VPS45: variants seen among roughly 807,000 people sequenced by gnomAD.
The protein encoded by VPS45 is vacuolar protein sorting 45 homolog, also known as vacuolar protein sorting-associated protein 45.
VPS45 carries 35 observed loss-of-function variants against 75.9 expected under a neutral mutation model. The ratio of observed to expected loss-of-function variants is 0.46; its 90% CI spans 0.35 to 0.61. The LOEUF is 0.61. VPS45 is among the 20% of genes least tolerant of loss of function. The probability of loss-of-function intolerance (pLI) is 0.00; values close to 1 mark genes in which losing one functional copy is unlikely to be tolerated. For missense variants in VPS45, 559 were observed against 685.9 expected (o/e 0.81, Z 2.07); for synonymous variants, 220 against 238.2 (o/e 0.92, Z 0.70).
In VPS45 at chr1:150,093,611, C is replaced by G. The variant is rs1426372430; in HGVS notation, c.1456C>G (p.Leu486Val). The G allele has an allele frequency of 1.2e-6, 2 of 1,613,812 alleles. No individual in the cohort carries two copies. The highest frequency in any genetic ancestry group is 1.7e-6 in the Non-Finnish European group (2 of 1,179,872). ...CATCAAAGGAAGGCTTAAGGAAAAC[C>G]TATATCCTTATTTAGGCCCCAGCAC... ...HLIKGRLKEN[L>V]YPYLGPSTLR... Residue 486 changes from leucine (L) to valine (V), a missense_variant, in exon 13 of 15, where the codon CTA becomes GTA. Leu to Val is a conservative substitution (Grantham distance 32). Transcript: ENST00000644510.
chr1:150,093,425 A>C (rs1453494338), intron 12 of VPS45, 102 bp from the exon 13 acceptor site: 1 of 1,285,310 alleles, frequency 7.8e-7, no homozygotes, highest in African/African-American at 1.5e-5. Flanking sequence ...CTATCCCATG[A>C]AATCTCTATT....
At position 150,068,614 on chromosome 1, in the gene VPS45, T is replaced by C. The variant is rs1394282813; in HGVS notation, c.94-16T>C. The C allele has an allele frequency of 7.3e-6, 11 of 1,500,934 alleles. No individual in the cohort carries two copies. The highest frequency in any genetic ancestry group is 1.4e-5 in the African/African-American group (1 of 70,734). The allele number at this position is 1,500,934 out of a possible 1,614,324, so 93.0% of individuals were successfully genotyped here. A position where few individuals can be genotyped will look rare whatever the true frequency, so the allele number is the denominator to read the frequency against. Reference sequence around the variant, plus strand: ...TCTAGACTAGCATACTTTTAGTTAATCTTTTGTTTTTACAGACTGGCATAG... The same window carrying C: ...TCTAGACTAGCATACTTTTAGTTAACCTTTTGTTTTTACAGACTGGCATAG... On this transcript the variant is annotated splice_polypyrimidine_tract_variant and intron_variant, in intron 1 of 14. Transcript: ENST00000644510.
chr1:150,081,164 A>T (rs587771712), intron 7 of VPS45, among the ~76,000 whole-genome samples, 178 bp from the exon 8 acceptor site: 1 of 152,334 alleles, frequency 6.6e-6, no homozygotes, highest in Admixed American at 6.5e-5. Context: ...TCAGTGTTTA[A>T]TCAATTAAAA....
chr1:150,092,476 G>T, intron 12 of VPS45, 67 bp downstream of exon 12: 1 of 1,288,586 alleles, frequency 7.8e-7, no homozygotes, highest in South Asian at 1.3e-5. Flanking sequence ...GAGAGTGAAT[G>T]AATATGATCT....
chr1:150,116,507 A>G (rs1553808330), intron 14 of VPS45, among the ~76,000 whole-genome samples: 2 of 152,236 alleles, frequency 1.3e-5, no homozygotes, highest in African/African-American at 4.8e-5. Context: ...TTATTCAAGT[A>G]AACATGACTA....
intron 14 of VPS45, among the ~76,000 whole-genome samples, chr1:150,124,574 G>T (rs1658407639): frequency 1.5e-5 from 2 of 137,052 alleles, no homozygotes; most frequent in Non-Finnish European, 1.6e-5. Flanking sequence ...TTGAGACAGA[G>T]TCTCGCCCTG....
intron 13 of VPS45, among the ~76,000 whole-genome samples, chr1:150,094,851 G>A (rs1278407284): frequency 6.6e-5 from 10 of 152,116 alleles, no homozygotes; most frequent in Non-Finnish European, 1.3e-4. Context: ...ACAGGCCACC[G>A]GAAGAATATA....
In VPS45 at chr1:150,077,797, G is replaced by C. The variant is rs1553798467; in HGVS notation, c.687+18G>C. 1 of 1,565,388 alleles carries C rather than the reference G, an allele frequency of 6.4e-7. No individual in the cohort carries two copies. The highest frequency in any genetic ancestry group is 1.7e-5 in the Admixed American group (1 of 59,868). On this transcript the variant is annotated intron_variant, in intron 7 of 14. Coordinates refer to ENST00000644510, the MANE Select transcript of VPS45 (RefSeq NM_007259.5). ...TAAACCAGGTACAAAACCCTTTCTT[G>C]GCATAATAGAAGGATAATTTTAAGT...
chr1:150,082,872 A>G lies in VPS45; in HGVS notation c.1093A>G (p.Ser365Gly), dbSNP rs1553799774. 2 of 1,613,730 alleles carry G rather than the reference A, an allele frequency of 1.2e-6. No homozygotes were observed. The highest frequency in any genetic ancestry group is 2.7e-5 in the African/African-American group (2 of 74,926). ...ACTGGCCTGTCAAAATGACCATTCT[A>G]GTGCTCTCCAGGTCAGTCCAATTTG... ...QELACQNDHS[S>G]ALQNIKRLLQ... is the part of the protein sequence containing the mutation. The change falls in exon 10 of 15, where the codon AGT becomes GGT. Residue 365 changes from serine to glycine, a missense_variant. By Grantham distance (56) the Ser-to-Gly change is moderately conservative. Transcript: ENST00000644510.
chr1:150,081,270 A>G lies in VPS45; in HGVS notation c.688-72A>G, dbSNP rs953620868. ...TAGTTAAAGAATGTTATCAGTTTTT[A>G]TTTGTTTTCCTGAACGTTTACTATT... On this transcript the variant is annotated intron_variant, in intron 7 of 14. Transcript: ENST00000644510. 3.5e-6 allele frequency: 5 copies of G among 1,430,992 alleles called. No homozygotes were observed. In the African/African-American group the frequency reaches 4.4e-5, roughly 13 times the overall value. 88.6% of individuals were successfully genotyped at this position (1,430,992 alleles called of 1,614,324 possible).
chr1:150,097,853 T>G (rs1488460613), intron 13 of VPS45, among the ~76,000 whole-genome samples: 2 of 152,040 alleles, frequency 1.3e-5, no homozygotes, highest in Non-Finnish European at 2.9e-5. Flanking sequence ...CTCTTTTTGT[T>G]TGTTTGTTTG....
intron 13 of VPS45, among the ~76,000 whole-genome samples, chr1:150,105,693 A>G (rs1553805541): frequency 2.0e-5 from 3 of 152,196 alleles, no homozygotes; most frequent in Non-Finnish European, 4.4e-5. Flanking sequence ...ACCCAATGCA[A>G]TCTACAGATT....
At chr1:150,072,313 A>G in intron 3 of VPS45, 87 bp downstream of exon 3, 1 of 920,402 alleles carries the variant, frequency 1.1e-6, no homozygotes, top group Non-Finnish European at 1.7e-6. Flanking sequence ...CAATAACTTC[A>G]TTGAATCTGT....
In VPS45 at chr1:150,076,175, T is replaced by G. The variant is rs1655371411; in HGVS notation, c.290-58T>G. On this transcript the variant is annotated intron_variant, in intron 3 of 14. Coordinates refer to ENST00000644510, the MANE Select transcript of VPS45 (RefSeq NM_007259.5). ...TTAGGCTTTAACTATCAGGCCCTTT[T>G]ACATATATTGCAGCAGAAATTATCT... is the stretch of plus-strand genomic sequence containing the variant. The G allele has an allele frequency of 2.8e-6, 4 of 1,404,370 alleles. No individual in the cohort carries two copies. The Admixed American group carries it at 7.6e-5, about 27-fold the overall frequency. The allele number at this position is 1,404,370 out of a possible 1,614,324, so 87.0% of individuals were successfully genotyped here.
At chr1:150,125,787 C>G (rs1658486491) in intron 14 of VPS45, among the ~76,000 whole-genome samples, 1 of 152,046 alleles carries the variant, frequency 6.6e-6, no homozygotes, top group South Asian at 2.1e-4. Flanking sequence ...CACCCAGGTT[C>G]AAGGAATTCT....
intron 13 of VPS45, among the ~76,000 whole-genome samples, chr1:150,106,157 G>A (rs1350744559): frequency 6.6e-6 from 1 of 152,164 alleles, no homozygotes; most frequent in Non-Finnish European, 1.5e-5. Flanking sequence ...GAAAGTCCTA[G>A]ATGAAAACCT....
At chr1:150,069,954 A>G (rs979163465) in intron 2 of VPS45, among the ~76,000 whole-genome samples, 1 of 152,134 alleles carries the variant, frequency 6.6e-6, no homozygotes, top group Admixed American at 6.5e-5. Context: ...GGTTTCTACC[A>G]TTTCTCCAGC....
At chr1:150,096,931 G>C (rs1450305383) in intron 13 of VPS45, among the ~76,000 whole-genome samples, 2 of 151,296 alleles carry the variant, frequency 1.3e-5, no homozygotes, top group African/African-American at 4.9e-5. Context: ...AAAAAAACTA[G>C]GAACAAGCTA....
intron 10 of VPS45, among the ~76,000 whole-genome samples, chr1:150,087,319 GTCT>G (rs1355534807): frequency 2.6e-5 from 4 of 152,246 alleles, no homozygotes; most frequent in East Asian, 3.9e-4. Context: ...TTCGAATCCT[GTCT>G]TCTTAAGTAG....
Sources: allele counts gnomAD v4.1 joint callset (sites outside exome capture counted in the v4.1 genomes callset), GRCh38; gene constraint gnomAD v4.1.1; transcripts MANE v1.5; gene names NCBI Gene and HGNC (gene_info 2026-07-23, HGNC 2026-07-21).